Variants in RNASEH2B observed in about 807,000 individuals in gnomAD.
RNASEH2B encodes Aicardi-Goutieres syndrome 2 protein.
Under a neutral mutation model 45.0 loss-of-function variants are expected in RNASEH2B, and 36 were observed. The observed-to-expected ratio is 0.80, with a 90% CI of 0.61 to 1.06. The LOEUF is 1.06. RNASEH2B is among the 50% of genes least tolerant of loss of function. The pLI is 0.00. For missense variants in RNASEH2B, 361 were observed against 360.3 expected, an observed-to-expected ratio of 1.00 and a Z score of -0.02; for synonymous variants, 119 against 125.7, an observed-to-expected ratio of 0.95 and a Z score of 0.35.
chr13:50,943,498 T>C (rs1566086354), intron 6 of RNASEH2B, 104 bp downstream of exon 6: 5 of 843,516 alleles, frequency 5.9e-6, no homozygotes, highest in Non-Finnish European at 4.1e-6. Context: ...TCTTGTATAT[T>C]CAGTGAAAAG....
intron 5 of RNASEH2B, chr13:50,941,059 T>C (rs1951827506): frequency 6.6e-6 from 1 of 152,232 alleles, no homozygotes; most frequent in Admixed American, 6.5e-5. Flanking sequence ...ATTCTGAGAT[T>C]CATTCTGATC....
At chr13:50,954,277 A>G in intron 10 of RNASEH2B, 1 of 527,902 alleles carries the variant, frequency 1.9e-6, no homozygotes, top group East Asian at 3.0e-5. Flanking sequence ...GAAGCTCTAC[A>G]GGTAATTTTT....
At chr13:50,968,045 A>C (rs544613262) in intron 9 of RNASEH2B, among the ~76,000 whole-genome samples, 64 of 152,334 alleles carry the variant, frequency 4.2e-4, no homozygotes, top group South Asian at 1.7e-3. Flanking sequence ...CCTCAGAGCC[A>C]TTAGACTGAC....
chr13:50,955,039 G>A (rs1025565077), intron 10 of RNASEH2B: 5 of 152,002 alleles, frequency 3.3e-5, no homozygotes, highest in Admixed American at 6.6e-5. Flanking sequence ...CTAAATTAAG[G>A]CTATTAACAC....
At chr13:50,914,348 T>C (rs1346510777) in intron 1 of RNASEH2B, among the ~76,000 whole-genome samples, 1 of 152,256 alleles carries the variant, frequency 6.6e-6, no homozygotes, top group Admixed American at 6.5e-5. Context: ...AGCTTCCTTA[T>C]TTTCAGAAGA....
At chr13:50,930,805 C>G (rs1349916116) in intron 4 of RNASEH2B, 46 bp downstream of exon 4, 4 of 1,426,812 alleles carry the variant, frequency 2.8e-6, no homozygotes, top group South Asian at 2.3e-5. Context: ...ACAGAATCAA[C>G]TATTTTTGTT....
chr13:50,914,329 A>C (rs1218319135), intron 1 of RNASEH2B, among the ~76,000 whole-genome samples: 2 of 152,202 alleles, frequency 1.3e-5, no homozygotes, highest in Non-Finnish European at 2.9e-5. Flanking sequence ...AATATACGTG[A>C]GGGCCGAAAG....
At chr13:50,935,034 A>G (rs1186519742) in intron 5 of RNASEH2B, 35 bp downstream of exon 5, 1 of 1,375,672 alleles carries the variant, frequency 7.3e-7, no homozygotes, top group East Asian at 2.3e-5. Context: ...GGCTGGTAGA[A>G]AGGATGGACC....
At chr13:50,967,100 A>G (rs1354585232) in intron 9 of RNASEH2B, among the ~76,000 whole-genome samples, 1 of 152,034 alleles carries the variant, frequency 6.6e-6, no homozygotes, top group East Asian at 1.9e-4. Flanking sequence ...AAGATTTTTT[A>G]TGTCTTTCCC....
At chr13:50,970,018 C>T in exon 10 of RNASEH2B, 2 of 1,519,076 alleles carry the variant, frequency 1.3e-6, no homozygotes, top group Non-Finnish European at 1.8e-6. Flanking sequence ...TCAGACACTC[C>T]CAGAGGACTC....
chr13:50,949,625 A>G, intron 9 of RNASEH2B, 120 bp downstream of exon 9: 3 of 871,410 alleles, frequency 3.4e-6, no homozygotes, highest in Non-Finnish European at 5.7e-6. Context: ...GCATGGAGTG[A>G]TGCCATGTGG....
Position 50,964,697 on chromosome 13 carries a change from T to C in RNASEH2B, c.742-5235T>C, listed in dbSNP as rs563491331. ...ATAATCTCAGCAATATTCTCACTAATTGAGACTTGATTGTTTTTTCCAGCA... is the reference window on the plus strand; with the variant it reads ...ATAATCTCAGCAATATTCTCACTAACTGAGACTTGATTGTTTTTTCCAGCA... On this transcript the variant is annotated intron_variant, in intron 9 of 9. Transcript: ENST00000422660. 4.3e-4 allele frequency among the ~76,000 whole-genome samples: 66 copies of C among 152,316 alleles called. 1 individual carries two copies. The highest frequency in any genetic ancestry group is 7.9e-4 in the Non-Finnish European group (54 of 68,022).
intron 1 of RNASEH2B, among the ~76,000 whole-genome samples, chr13:50,919,683 A>AT (rs1164760494): frequency 6.6e-6 from 1 of 152,234 alleles, no homozygotes; most frequent in Non-Finnish European, 1.5e-5. Flanking sequence ...CTTCAGATTA[A>AT]GAGTTTCTTT....
chr13:50,960,599 A>G (rs1465351248), downstream of RNASEH2B, among the ~76,000 whole-genome samples: 1 of 152,216 alleles, frequency 6.6e-6, no homozygotes, highest in Admixed American at 6.5e-5. Flanking sequence ...ACTACTTACT[A>G]TCAAACTGTA....
intron 4 of RNASEH2B, 80 bp from the exon 5 acceptor site, chr13:50,934,805 A>T: frequency 1.1e-6 from 1 of 946,692 alleles, no homozygotes; most frequent in Non-Finnish European, 1.7e-6. Context: ...CCCAGCCATG[A>T]GTTAATGTGT....
intron 1 of RNASEH2B, among the ~76,000 whole-genome samples, chr13:50,914,236 T>C (rs1203707608): frequency 6.6e-6 from 1 of 152,214 alleles, no homozygotes; most frequent in Non-Finnish European, 1.5e-5. Context: ...ACCTAATGGC[T>C]CATGGTTAAT....
chr13:50,968,238 A>T lies in RNASEH2B; in HGVS notation c.742-1694A>T, dbSNP rs187093243. Among the ~76,000 whole-genome samples the T allele has an allele frequency of 1.5e-3, 223 of 152,162 alleles. 1 individual carries two copies. The highest frequency in any genetic ancestry group is 2.1e-3 in the East Asian group (11 of 5,184). ...CATAGCAAGACTGTTTCTACAAAAA[A>T]AAAAATAAAAAATTAGCCAGGTGTG... On this transcript the variant is annotated intron_variant, in intron 9 of 9. Transcript: ENST00000422660.
At chr13:50,944,305 A>G (rs1028872602) in intron 6 of RNASEH2B, among the ~76,000 whole-genome samples, 3 of 152,210 alleles carry the variant, frequency 2.0e-5, no homozygotes, top group Non-Finnish European at 4.4e-5. Flanking sequence ...AGTGGATACC[A>G]GTAGTTGTAG....
At chr13:50,927,062 A>T (rs529995701) in intron 1 of RNASEH2B, 1 of 295,304 alleles carries the variant, frequency 3.4e-6, no homozygotes, top group African/African-American at 2.2e-5. Context: ...CAAGTATACT[A>T]TTATTGTCAG....
Sources: allele counts gnomAD v4.1 joint callset (sites outside exome capture counted in the v4.1 genomes callset), GRCh38; gene constraint gnomAD v4.1.1; transcripts MANE v1.5; gene names NCBI Gene and HGNC (gene_info 2026-07-23, HGNC 2026-07-21).